The following AGBL4 variants were observed in gnomAD, a reference collection of about 807,000 sequenced individuals.
AGBL4 encodes AGBL carboxypeptidase 4, also known as cytosolic carboxypeptidase 6.
A neutral mutation model predicts 66.4 loss-of-function variants in AGBL4; 58 were observed. The observed-to-expected ratio is 0.87, with a 90% confidence interval of 0.71 to 1.09. AGBL4 has a LOEUF of 1.09. Among genes scored for constraint, AGBL4 ranks in the 50% least tolerant of loss-of-function variants. The pLI, the probability that AGBL4 is intolerant of heterozygous loss-of-function variation, is 0.00. For synonymous variants in AGBL4, 234 were observed against 222.9 expected (o/e 1.05, Z -0.44); for missense variants, 579 against 631.0 (o/e 0.92, Z 0.88).
chr1:49,806,676 T>C (rs1010072526), intron 2 of AGBL4, among the ~76,000 whole-genome samples: 7 of 152,270 alleles, frequency 4.6e-5, no homozygotes, highest in African/African-American at 1.7e-4. Flanking sequence ...ATCAAAACTA[T>C]GGAAGAATGA....
intron 6 of AGBL4, among the ~76,000 whole-genome samples, chr1:48,797,386 C>T (rs775040286): frequency 7.2e-5 from 11 of 152,158 alleles, no homozygotes; most frequent in Middle Eastern, 3.2e-3. Context: ...TACCCTTTCT[C>T]CCAAGTCCCC....
At chr1:49,934,978 G>T (rs1653791694) in intron 1 of AGBL4, among the ~76,000 whole-genome samples, 1 of 152,216 alleles carries the variant, frequency 6.6e-6, no homozygotes, top group South Asian at 2.1e-4. Context: ...CCAGACAGTG[G>T]GCACAGGACA....
At chr1:48,966,639 A>C (rs1334266711) in intron 5 of AGBL4, among the ~76,000 whole-genome samples, 1 of 152,196 alleles carries the variant, frequency 6.6e-6, no homozygotes, top group Non-Finnish European at 1.5e-5. Flanking sequence ...GGTACAATTC[A>C]TCATGGGGAA....
chr1:48,991,127 C>T (rs1296253933), intron 5 of AGBL4, among the ~76,000 whole-genome samples: 1 of 152,136 alleles, frequency 6.6e-6, no homozygotes, highest in Non-Finnish European at 1.5e-5. Flanking sequence ...ATAAAGAACT[C>T]CCTTTAACAT....
At chr1:48,541,823 G>C (rs1644076217) in intron 11 of AGBL4, among the ~76,000 whole-genome samples, 1 of 152,084 alleles carries the variant, frequency 6.6e-6, no homozygotes, top group African/African-American at 2.4e-5. Context: ...CTTATATAAT[G>C]TTTAATACGT....
intron 3 of AGBL4, among the ~76,000 whole-genome samples, chr1:49,629,788 C>T (rs573842072): frequency 7.2e-5 from 11 of 152,240 alleles, no homozygotes; most frequent in African/African-American, 2.2e-4. Context: ...TATAGTATTA[C>T]GGGGTCCTCC....
downstream of AGBL4, among the ~76,000 whole-genome samples, chr1:48,528,434 A>C (rs1643891036): frequency 6.6e-6 from 1 of 152,160 alleles, no homozygotes; most frequent in Non-Finnish European, 1.5e-5. Context: ...CCAGGTCTTT[A>C]GGGGAACAAG....
At chr1:49,394,748 C>T (rs1644920184) in intron 3 of AGBL4, among the ~76,000 whole-genome samples, 2 of 152,146 alleles carry the variant, frequency 1.3e-5, no homozygotes, top group African/African-American at 4.8e-5. Flanking sequence ...ACTAGGTATA[C>T]CATTTTGTTT....
chr1:48,711,749 CTCCCTCTCTCCCTTCCCTTTCCCCATAAT>C (rs1646971087), intron 6 of AGBL4, among the ~76,000 whole-genome samples: 1 of 13,626 alleles, frequency 7.3e-5, no homozygotes, highest in East Asian at 3.9e-3. Flanking sequence ...CCCATAATTT[CTCCCTCTCTCCCTTCCCTTTCCCCATAAT>C]TTCTCTGAGA....
chr1:49,982,903 G>T (rs565301100), intron 1 of AGBL4, among the ~76,000 whole-genome samples: 1 of 152,232 alleles, frequency 6.6e-6, no homozygotes, highest in African/African-American at 2.4e-5. Flanking sequence ...GCAAACAGCT[G>T]CAGAGAAGAG....
intron 3 of AGBL4, among the ~76,000 whole-genome samples, chr1:49,571,940 C>T (rs982295528): frequency 1.3e-5 from 2 of 152,018 alleles, no homozygotes; most frequent in Admixed American, 6.6e-5. Flanking sequence ...AGTCTATTAT[C>T]TTTTTATGTT....
At chr1:49,061,893 C>A (rs547162140) in intron 4 of AGBL4, among the ~76,000 whole-genome samples, 11 of 152,198 alleles carry the variant, frequency 7.2e-5, no homozygotes, top group African/African-American at 1.4e-4. Context: ...AGGAGCCTAC[C>A]AACACTTAAC....
At chr1:49,713,631 C>T (rs754607939) in intron 2 of AGBL4, among the ~76,000 whole-genome samples, 4 of 151,858 alleles carry the variant, frequency 2.6e-5, no homozygotes, top group Non-Finnish European at 5.9e-5. Flanking sequence ...CACACACATA[C>T]ATAAACAGAT....
chr1:49,337,988 A>C (rs1280761295), intron 3 of AGBL4, among the ~76,000 whole-genome samples: 2 of 152,226 alleles, frequency 1.3e-5, no homozygotes, highest in African/African-American at 4.8e-5. Flanking sequence ...AGGAGGAGAA[A>C]ACAAGTAATT....
chr1:48,758,171 A>G (rs1027365218), intron 6 of AGBL4, among the ~76,000 whole-genome samples: 2 of 152,160 alleles, frequency 1.3e-5, no homozygotes, highest in African/African-American at 4.8e-5. Flanking sequence ...ACGTCTTTAT[A>G]TTCATCTTCC....
chr1:48,635,639 C>A (rs1475860977), intron 8 of AGBL4, among the ~76,000 whole-genome samples: 2 of 152,210 alleles, frequency 1.3e-5, no homozygotes, highest in Non-Finnish European at 2.9e-5. Flanking sequence ...TCCCCAGCTA[C>A]AAGTAGAGAA....
intron 6 of AGBL4, among the ~76,000 whole-genome samples, chr1:48,675,049 G>T (rs895770771): frequency 1.3e-5 from 2 of 152,182 alleles, no homozygotes; most frequent in Non-Finnish European, 2.9e-5. Context: ...ACAGAGAAGG[G>T]CATTTTGACA....
chr1:49,770,761 T>C (rs924688971), intron 2 of AGBL4, among the ~76,000 whole-genome samples: 5 of 152,180 alleles, frequency 3.3e-5, no homozygotes, highest in African/African-American at 1.2e-4. Context: ...TATTCAGGAA[T>C]TTATTCATTT....
At chr1:49,293,906 T>A (rs1190835287) in intron 3 of AGBL4, among the ~76,000 whole-genome samples, 3 of 152,180 alleles carry the variant, frequency 2.0e-5, no homozygotes, top group Non-Finnish European at 4.4e-5. Context: ...ACAAAAAAAA[T>A]TAAAGCTGAA....
Sources: allele counts gnomAD v4.1 joint callset (sites outside exome capture counted in the v4.1 genomes callset), GRCh38; gene constraint gnomAD v4.1.1; transcripts MANE v1.5; gene names NCBI Gene and HGNC (gene_info 2026-07-23, HGNC 2026-07-21).